PTPA: variants seen among roughly 807,000 people sequenced by gnomAD.
PTPA encodes protein phosphatase 2 phosphatase activator.
A neutral mutation model predicts 43.6 loss-of-function variants in PTPA; 13 were observed. That is an observed-to-expected ratio of 0.30 (90% CI 0.19 to 0.47). The LOEUF is 0.47. Among genes scored for constraint, PTPA ranks in the 20% least tolerant of loss-of-function variants. The probability of loss-of-function intolerance (pLI) is 0.99; values close to 1 mark genes in which losing one functional copy is unlikely to be tolerated. For missense variants in PTPA, 329 were observed against 411.9 expected, an observed-to-expected ratio of 0.80 and a Z score of 1.74; for synonymous variants, 172 against 158.2, an observed-to-expected ratio of 1.09 and a Z score of -0.66.
chr9:129,136,070 C>T (rs1395306332), intron 6 of PTPA, among the ~76,000 whole-genome samples: 1 of 152,156 alleles, frequency 6.6e-6, no homozygotes, highest in African/African-American at 2.4e-5. Flanking sequence ...TGGGTTCATG[C>T]CATTCTCCTG....
At chr9:129,136,664 C>G in intron 7 of PTPA, 69 bp downstream of exon 7, 2 of 1,486,918 alleles carry the variant, frequency 1.3e-6, no homozygotes, top group Non-Finnish European at 1.8e-6. Context: ...CTCCCCTGCC[C>G]CTCCTGCGCT....
intron 8 of PTPA, among the ~76,000 whole-genome samples, chr9:129,140,736 C>T (rs1244660864): frequency 7.3e-6 from 1 of 136,620 alleles, no homozygotes. Flanking sequence ...GCTCCCTGAG[C>T]TTTCCTGGGC....
At chr9:129,136,864 G>A (rs182872528) in intron 7 of PTPA, among the ~76,000 whole-genome samples, 7 of 152,362 alleles carry the variant, frequency 4.6e-5, no homozygotes, top group Admixed American at 2.6e-4. Flanking sequence ...AAGGGCGCAC[G>A]CCTGGTGCAT....
intron 1 of PTPA, chr9:129,119,535 A>T (rs1002908376): frequency 6.6e-6 from 1 of 151,852 alleles, no homozygotes; most frequent in Non-Finnish European, 1.5e-5. Flanking sequence ...CCTCCCAAGT[A>T]GCTGGGACCG....
At chr9:129,130,791 C>A (rs185710534) in intron 4 of PTPA, among the ~76,000 whole-genome samples, 1 of 152,168 alleles carries the variant, frequency 6.6e-6, no homozygotes, top group Admixed American at 6.5e-5. Context: ...AAGTTTTTTA[C>A]CCATGGATTC....
chr9:129,127,546 C>T (rs570785620), intron 3 of PTPA, among the ~76,000 whole-genome samples: 16 of 152,230 alleles, frequency 1.1e-4, no homozygotes, highest in Admixed American at 5.2e-4. Context: ...TATTTTCCAC[C>T]GGCCCTGGTG....
chr9:129,129,776 G>C (rs980826574), intron 4 of PTPA, among the ~76,000 whole-genome samples: 1 of 152,244 alleles, frequency 6.6e-6, no homozygotes, highest in Admixed American at 6.5e-5. Flanking sequence ...GCCCCAAAAA[G>C]GAATTTTTTT....
At position 129,123,471 on chromosome 9, in the gene PTPA, C is replaced by CAA. The variant is rs746317993; in HGVS notation, c.216+344_216+345dup. 3.5e-3 allele frequency among the ~76,000 whole-genome samples: 476 copies of CAA among 137,484 alleles called. 2 individuals are homozygous for CAA. The highest frequency in any genetic ancestry group is 0.012 in the African/African-American group (453 of 38,704). The allele number at this position is 137,484 out of a possible 152,430, so 90.2% of individuals were successfully genotyped here. On this transcript the variant is annotated intron_variant, in intron 3 of 9. Transcript: ENST00000393370. ...TGGGCGACAGAGCGAGACTCTGTCT[C>CAA]AAAAAAAAAAAATAGCTCCAGAGTC...
At chr9:129,137,511 G>C (rs888472671) in intron 7 of PTPA, 81 bp from the exon 8 acceptor site, 4 of 1,137,268 alleles carry the variant, frequency 3.5e-6, no homozygotes, top group East Asian at 2.5e-5. Context: ...GAGGCCCCTG[G>C]GGGGGTGTGA....
At chr9:129,118,813 CTTTT>C (rs10712319) in intron 1 of PTPA, among the ~76,000 whole-genome samples, 1 of 140,604 alleles carries the variant, frequency 7.1e-6, no homozygotes, top group Non-Finnish European at 1.5e-5. Context: ...CTATGCCCAG[CTTTT>C]TTTTTTTTTT....
chr9:129,123,025 A>G, intron 2 of PTPA, 27 bp from the exon 3 acceptor site: 1 of 1,544,584 alleles, frequency 6.5e-7, no homozygotes, highest in Non-Finnish European at 8.8e-7. Flanking sequence ...CCCTCTCCCC[A>G]TCCCCATTCT....
intron 9 of PTPA, among the ~76,000 whole-genome samples, chr9:129,145,206 C>G (rs1244391929): frequency 2.0e-5 from 3 of 151,802 alleles, no homozygotes; most frequent in Non-Finnish European, 2.9e-5. Context: ...TGGTGCGCAC[C>G]TGTAATTCCA....
rs1310325473 is a variant in PTPA, at chr9:129,134,322, T to C, written c.461-473T>C. Reference sequence around the variant, plus strand: ...TTTTTTTTTTTTTTTTTTTTTTTTTTTTGAGACAGTCTCACTTTGTCACCC... The same window carrying C: ...TTTTTTTTTTTTTTTTTTTTTTTTTCTTGAGACAGTCTCACTTTGTCACCC... On this transcript the variant is annotated intron_variant, in intron 5 of 9. Coordinates refer to ENST00000393370, the MANE Select transcript of PTPA (RefSeq NM_178000.3). 6.3e-5 allele frequency among the ~76,000 whole-genome samples: 9 copies of C among 143,570 alleles called. No homozygotes were observed. The South Asian group carries it at 2.1e-3, about 33-fold the overall frequency. The allele number at this position is 143,570 out of a possible 152,430, so 94.2% of individuals were successfully genotyped here. A position where few individuals can be genotyped will look rare whatever the true frequency, so the allele number is the denominator to read the frequency against.
At chr9:129,143,379 G>T (rs1851041751) in intron 9 of PTPA, 1 of 703,080 alleles carries the variant, frequency 1.4e-6, no homozygotes, top group Non-Finnish European at 2.6e-6. Flanking sequence ...TCTCAGGCTG[G>T]CCCTTGTGAC....
At chr9:129,117,096 C>G (rs1848927836) in intron 1 of PTPA, among the ~76,000 whole-genome samples, 1 of 152,078 alleles carries the variant, frequency 6.6e-6, no homozygotes, top group South Asian at 2.1e-4. Flanking sequence ...GGGTCTTGCT[C>G]TGTCACCCAG....
Position 129,111,552 on chromosome 9 carries a change from A to G in PTPA, c.-49A>G. ...GAGGAAGGGTGGGTGCAAGAGTGAA[A>G]GGCGAGAGGGGACTGCAAGCATCCG... On this transcript the variant is annotated 5_prime_UTR_variant, in exon 1 of 10. Transcript: ENST00000393370. 1 of 1,287,918 alleles carries G rather than the reference A, an allele frequency of 7.8e-7. No individual in the cohort carries two copies. 79.8% of individuals were successfully genotyped at this position (1,287,918 alleles called of 1,614,324 possible).
chr9:129,137,165 T>G (rs1050077193), intron 7 of PTPA, among the ~76,000 whole-genome samples: 2 of 152,198 alleles, frequency 1.3e-5, no homozygotes, highest in African/African-American at 4.8e-5. Context: ...CAGACTGATA[T>G]TCATAAATGA....
intron 2 of PTPA, among the ~76,000 whole-genome samples, chr9:129,122,636 C>T (rs550337391): frequency 4.7e-4 from 71 of 152,308 alleles, no homozygotes; most frequent in African/African-American, 1.7e-3. Flanking sequence ...GCCCACTCAG[C>T]TTTGAAGTTA....
chr9:129,137,319 A>G (rs769300792), intron 7 of PTPA, among the ~76,000 whole-genome samples: 1 of 152,182 alleles, frequency 6.6e-6, no homozygotes, highest in Non-Finnish European at 1.5e-5. Context: ...AATTGTTGTC[A>G]TGGCCCCTAG....
Sources: gnomAD v4.1 joint callset for allele counts (sites outside exome capture counted in the v4.1 genomes callset) on GRCh38, gnomAD v4.1.1 for gene constraint, MANE v1.5 for transcripts, NCBI Gene and HGNC (gene_info 2026-07-23, HGNC 2026-07-21) for gene names.